FA2H: variants seen among roughly 807,000 people sequenced by gnomAD.
FA2H encodes fatty acid alpha-hydroxylase.
Under a neutral mutation model 44.9 loss-of-function variants are expected in FA2H, and 22 were observed. The observed-to-expected ratio is 0.49, with a 90% CI of 0.35 to 0.70. The LOEUF (loss-of-function observed/expected upper bound fraction) is 0.70. Among genes scored for constraint, FA2H ranks in the 30% least tolerant of loss-of-function variants. The pLI is 0.01. For synonymous variants in FA2H, 243 were observed against 213.2 expected, an observed-to-expected ratio of 1.14 and a Z score of -1.22; for missense variants, 501 against 504.9, an observed-to-expected ratio of 0.99 and a Z score of 0.07.
chr16:74,757,886 G>A (rs1962636957), intron 1 of FA2H, among the ~76,000 whole-genome samples: 1 of 152,110 alleles, frequency 6.6e-6, no homozygotes, highest in African/African-American at 2.4e-5. Flanking sequence ...GGGAGTGGTG[G>A]CTTGTGCCTG....
chr16:74,717,622 C>G (rs550580438), intron 5 of FA2H, among the ~76,000 whole-genome samples: 1 of 152,342 alleles, frequency 6.6e-6, no homozygotes, highest in Admixed American at 6.5e-5. Context: ...ACAGCTGGAT[C>G]AGGATCCTTA....
Position 74,774,723 on chromosome 16 carries a change from G to T in FA2H, c.33C>A (p.Phe11Leu), listed in dbSNP as rs982322157. MAPAPPPAAS[F>L]SPSEVQRRLA... is the part of the protein sequence containing the mutation. Reference sequence around the variant, plus strand: ...GGCGCCGCTGGACCTCGGAGGGCGAGAAGGAGGCGGCGGGGGGCGGAGCGG... The same window carrying T: ...GGCGCCGCTGGACCTCGGAGGGCGATAAGGAGGCGGCGGGGGGCGGAGCGG... Residue 11 changes from phenylalanine to leucine, a missense_variant, in exon 1 of 7, where the codon TTC becomes TTA. By Grantham distance (22) the Phe-to-Leu change is conservative. Transcript: ENST00000219368. The T allele has an allele frequency of 1.6e-5, 21 of 1,334,460 alleles. No homozygotes were observed. In the African/African-American group the frequency reaches 3.2e-4, roughly 21 times the overall value. The allele number at this position is 1,334,460 out of a possible 1,614,324, so 82.7% of individuals were successfully genotyped here.
chr16:74,750,007 T>A (rs921607697), intron 1 of FA2H, among the ~76,000 whole-genome samples: 1 of 152,174 alleles, frequency 6.6e-6, no homozygotes, highest in African/African-American at 2.4e-5. Context: ...CCCTTCTGGG[T>A]CTTTCCTTAC....
intron 5 of FA2H, 43 bp from the exon 6 acceptor site, chr16:74,716,642 C>T: frequency 1.3e-6 from 2 of 1,519,156 alleles, no homozygotes; most frequent in Non-Finnish European, 1.8e-6. Flanking sequence ...AGCCAGGGGC[C>T]CCGGCAGCTG....
At chr16:74,754,962 G>A (rs894470821) in intron 1 of FA2H, among the ~76,000 whole-genome samples, 13 of 152,082 alleles carry the variant, frequency 8.5e-5, no homozygotes, top group African/African-American at 3.1e-4. Context: ...CGTATGGGAA[G>A]AACACCCATA....
chr16:74,762,244 C>T (rs1962726920), intron 1 of FA2H, among the ~76,000 whole-genome samples: 1 of 152,164 alleles, frequency 6.6e-6, no homozygotes, highest in Admixed American at 6.5e-5. Flanking sequence ...GGGGTTTCAC[C>T]GTATTAGCCA....
intron 1 of FA2H, among the ~76,000 whole-genome samples, chr16:74,755,423 A>T (rs1597566825): frequency 6.6e-6 from 1 of 151,108 alleles, no homozygotes; most frequent in Non-Finnish European, 1.5e-5. Flanking sequence ...CAGGTGATCC[A>T]CCCGCCTCGG....
chr16:74,768,329 C>T lies in FA2H; in HGVS notation c.270+6157G>A, dbSNP rs188233820. Reference sequence around the variant, plus strand: ...GTGACACCAGAGAGCACTCCTGGAGCTTGTGCTGACCCTGGGGTGGCCATG... The same window carrying T: ...GTGACACCAGAGAGCACTCCTGGAGTTTGTGCTGACCCTGGGGTGGCCATG... On this transcript the variant is annotated intron_variant, in intron 1 of 6. Coordinates refer to ENST00000219368, the MANE Select transcript of FA2H (RefSeq NM_024306.5). Among the ~76,000 whole-genome samples the T allele has an allele frequency of 7.9e-5, 12 of 152,316 alleles. No individual in the cohort carries two copies. In the East Asian group the frequency reaches 2.3e-3, roughly 29 times the overall value.
rs371108394 is a variant in FA2H, at chr16:74,761,368, G to A, written c.270+13118C>T. Among the ~76,000 whole-genome samples the A allele has an allele frequency of 1.2e-4, 18 of 151,876 alleles. No individual in the cohort carries two copies. The South Asian group carries it at 2.3e-3, about 19-fold the overall frequency. Reference sequence around the variant, plus strand: ...CTCGGGAGGCTGAGACTGGAGAATCGCTTGGATCAGGGAGGCAGAGGTTGT... The same window carrying A: ...CTCGGGAGGCTGAGACTGGAGAATCACTTGGATCAGGGAGGCAGAGGTTGT... On this transcript the variant is annotated intron_variant, in intron 1 of 6. Coordinates refer to ENST00000219368, the MANE Select transcript of FA2H (RefSeq NM_024306.5).
chr16:74,755,370 G>T (rs1317468971), intron 1 of FA2H, among the ~76,000 whole-genome samples: 1 of 152,014 alleles, frequency 6.6e-6, no homozygotes, highest in Non-Finnish European at 1.5e-5. Flanking sequence ...AGTAGAGACG[G>T]GGTTTCGCCA....
intron 1 of FA2H, among the ~76,000 whole-genome samples, chr16:74,760,819 C>T (rs761241858): frequency 1.3e-5 from 2 of 152,200 alleles, no homozygotes; most frequent in African/African-American, 4.8e-5. Flanking sequence ...TCGGCTTAAT[C>T]TCATGTCTAA....
In FA2H at chr16:74,741,832, GTGTGTA is replaced by G. The variant is rs1463783271; in HGVS notation, c.271-1723_271-1718del. 4.7e-5 allele frequency among the ~76,000 whole-genome samples: 4 copies of G among 85,912 alleles called. No homozygotes were observed. In the South Asian group the frequency reaches 1.1e-3, roughly 24 times the overall value. The allele number at this position is 85,912 out of a possible 152,430, so 56.4% of individuals were successfully genotyped here. On this transcript the variant is annotated intron_variant, in intron 1 of 6. Coordinates refer to ENST00000219368, the MANE Select transcript of FA2H (RefSeq NM_024306.5). ...TATGTGTGTGTGTGTGTGTGTGTGT[GTGTGTA>G]TGTGTGTGTATGTGTGTATGTGTGT...
chr16:74,716,561 C>T lies in FA2H; in HGVS notation c.825G>A (p.Val275=). Residue 275 remains valine (V), a synonymous_variant, in exon 6 of 7, where the codon GTG becomes GTA. Transcript: ENST00000219368. ...FDGSRLVFPP[V]PASLVIGVFY... is the part of the protein sequence containing the mutation. The stretch of plus-strand genomic sequence containing the variant: ...AGACGCCGATCACCAGGGAGGCTGG[C>T]ACAGGGGGGAAGACCAGGCGGGAGC... 1 of 1,599,296 alleles carries T rather than the reference C, an allele frequency of 6.3e-7. No homozygotes were observed. The highest frequency in any genetic ancestry group is 1.1e-5 in the South Asian group (1 of 89,548).
At chr16:74,757,767 G>T (rs1185184800) in intron 1 of FA2H, among the ~76,000 whole-genome samples, 3 of 152,114 alleles carry the variant, frequency 2.0e-5, no homozygotes, top group African/African-American at 7.2e-5. Flanking sequence ...CTGTAATCCT[G>T]GCACTTTGGG....
chr16:74,761,138 C>G (rs1962700082), intron 1 of FA2H, among the ~76,000 whole-genome samples: 1 of 152,036 alleles, frequency 6.6e-6, no homozygotes, highest in African/African-American at 2.4e-5. Context: ...GAAAAAAAGT[C>G]TATGGAAAAA....
chr16:74,739,618 C>G (rs1449600073), intron 2 of FA2H, among the ~76,000 whole-genome samples: 1 of 152,224 alleles, frequency 6.6e-6, no homozygotes, highest in Non-Finnish European at 1.5e-5. Context: ...GTGCCCTGCA[C>G]TGGCCAATGT....
At chr16:74,714,834 ATT>A (rs528963288) in intron 6 of FA2H, among the ~76,000 whole-genome samples, 23,930 of 137,620 alleles carry the variant, frequency 0.17, 2,650 homozygotes, top group African/African-American at 0.35. Flanking sequence ...AGTTACTGGA[ATT>A]TTTTTTTTTT....
intron 6 of FA2H, among the ~76,000 whole-genome samples, chr16:74,714,952 T>G (rs1038273255): frequency 6.6e-6 from 1 of 151,054 alleles, no homozygotes; most frequent in African/African-American, 2.4e-5. Context: ...TTCTCCTTCC[T>G]CAGCCTCCTG....
chr16:74,750,326 C>T (rs966913583), intron 1 of FA2H, among the ~76,000 whole-genome samples: 1 of 152,158 alleles, frequency 6.6e-6, no homozygotes, highest in Non-Finnish European at 1.5e-5. Context: ...AAGAATTATC[C>T]TGTATTTTGC....
Sources: gnomAD v4.1 joint callset for allele counts (sites outside exome capture counted in the v4.1 genomes callset) on GRCh38, gnomAD v4.1.1 for gene constraint, MANE v1.5 for transcripts, NCBI Gene and HGNC (gene_info 2026-07-23, HGNC 2026-07-21) for gene names.